Variants in TTC7B observed in about 807,000 individuals in gnomAD.
The protein encoded by TTC7B is tetratricopeptide repeat domain 7B.
A neutral mutation model predicts 106.8 loss-of-function variants in TTC7B; 28 were observed. That is an observed-to-expected ratio of 0.26 (90% CI 0.19 to 0.36). The LOEUF (loss-of-function observed/expected upper bound fraction) is 0.36. TTC7B is among the 10% of genes least tolerant of loss of function. TTC7B has a pLI of 1.00. For synonymous variants in TTC7B, 405 were observed against 430.6 expected, an observed-to-expected ratio of 0.94 and a Z score of 0.74; for missense variants, 862 against 1,076.4, an observed-to-expected ratio of 0.80 and a Z score of 2.79.
chr14:90,702,582 G>T (rs1222231391), intron 5 of TTC7B, among the ~76,000 whole-genome samples: 6 of 151,840 alleles, frequency 4.0e-5, no homozygotes, highest in Admixed American at 1.3e-4. Context: ...TCAATTTATA[G>T]CATATGAAAA....
chr14:90,549,091 G>A (rs1454045538), intron 19 of TTC7B, among the ~76,000 whole-genome samples: 1 of 148,114 alleles, frequency 6.8e-6, no homozygotes, highest in East Asian at 2.0e-4. Flanking sequence ...TCACACCACC[G>A]CACTACAGCC....
chr14:90,755,687 A>AC (rs1292556882), intron 3 of TTC7B, among the ~76,000 whole-genome samples: 35 of 150,844 alleles, frequency 2.3e-4, no homozygotes, highest in Admixed American at 1.1e-3. Flanking sequence ...AAACAAACAA[A>AC]AAAAAAAAAC....
At chr14:90,804,492 AGG>A (rs2030485715) in intron 1 of TTC7B, among the ~76,000 whole-genome samples, 1 of 152,188 alleles carries the variant, frequency 6.6e-6, no homozygotes, top group African/African-American at 2.4e-5. Context: ...GCCGGGCCTG[AGG>A]GACTTCTCCA....
At chr14:90,599,658 G>C (rs1892351004) in intron 17 of TTC7B, among the ~76,000 whole-genome samples, 1 of 152,204 alleles carries the variant, frequency 6.6e-6, no homozygotes, top group Non-Finnish European at 1.5e-5. Flanking sequence ...TAATGCTGCA[G>C]CGGCAGACAC....
At chr14:90,713,773 G>T (rs1039374837) in intron 5 of TTC7B, among the ~76,000 whole-genome samples, 7 of 152,148 alleles carry the variant, frequency 4.6e-5, no homozygotes, top group Non-Finnish European at 1.0e-4. Flanking sequence ...TAGTCAAAAA[G>T]CAAGAACAAT....
chr14:90,701,272 T>C (rs1475764417), intron 5 of TTC7B, among the ~76,000 whole-genome samples: 1 of 152,140 alleles, frequency 6.6e-6, no homozygotes, highest in East Asian at 1.9e-4. Flanking sequence ...ACCTCAGCAA[T>C]TGAGGCTTCC....
intron 19 of TTC7B, among the ~76,000 whole-genome samples, chr14:90,571,811 A>G (rs36084817): frequency 0.017 from 2,619 of 152,350 alleles, 94 homozygotes; most frequent in African/African-American, 0.06. Context: ...ACGTTTCTCC[A>G]AGGGAAAACT....
intron 19 of TTC7B, among the ~76,000 whole-genome samples, chr14:90,573,065 C>T (rs1244701046): frequency 6.6e-6 from 1 of 152,198 alleles, no homozygotes; most frequent in Non-Finnish European, 1.5e-5. Context: ...GCGTGAAACA[C>T]AGCCCCTCTG....
At chr14:90,793,547 T>C (rs1891660277) in intron 1 of TTC7B, among the ~76,000 whole-genome samples, 1 of 151,134 alleles carries the variant, frequency 6.6e-6, no homozygotes, top group Non-Finnish European at 1.5e-5. Context: ...AAAGAATCTC[T>C]TTCCTTTATA....
At position 90,776,717 on chromosome 14, in the gene TTC7B, G is replaced by A. The variant is rs1374244499; in HGVS notation, c.445+4021C>T. On this transcript the variant is annotated intron_variant, in intron 3 of 19. Transcript: ENST00000328459. ...AGCCCAAGTGAGTTCCAGTCCATGT[G>A]CCAGTAGAAGAGAGCAATTAGGAAC... 5.9e-5 allele frequency among the ~76,000 whole-genome samples: 9 copies of A among 152,136 alleles called. No individual in the cohort carries two copies. In the East Asian group the frequency reaches 1.7e-3, roughly 29 times the overall value.
At chr14:90,548,331 A>C (rs1465544172) in intron 19 of TTC7B, among the ~76,000 whole-genome samples, 1 of 152,198 alleles carries the variant, frequency 6.6e-6, no homozygotes, top group Non-Finnish European at 1.5e-5. Flanking sequence ...CTGGGTCAGA[A>C]ACTCCACCAT....
intron 11 of TTC7B, among the ~76,000 whole-genome samples, chr14:90,656,741 T>C (rs943378565): frequency 2.6e-5 from 4 of 152,128 alleles, no homozygotes; most frequent in Non-Finnish European, 4.4e-5. Context: ...TGCAGTGAGC[T>C]CTGATCGTGC....
At chr14:90,758,348 CGGCGGGGCGAGAGCGCAAGGAGG>C (rs1890379881) in intron 3 of TTC7B, among the ~76,000 whole-genome samples, 1 of 108,296 alleles carries the variant, frequency 9.2e-6, no homozygotes, top group Non-Finnish European at 1.9e-5. Flanking sequence ...GGGCGGGGCG[CGGCGGGGCGAGAGCGCAAGGAGG>C]GGCGGGGCGA....
chr14:90,637,289 A>G (rs990545668), intron 15 of TTC7B, among the ~76,000 whole-genome samples: 1 of 152,146 alleles, frequency 6.6e-6, no homozygotes, highest in Non-Finnish European at 1.5e-5. Flanking sequence ...ATCCTTACAT[A>G]TAATATAATT....
At chr14:90,799,283 G>C (rs747219033) in intron 1 of TTC7B, among the ~76,000 whole-genome samples, 1 of 152,128 alleles carries the variant, frequency 6.6e-6, no homozygotes, top group African/African-American at 2.4e-5. Context: ...TTGCTCCCTC[G>C]GCCTGGGCCA....
rs1410866266 is a variant in TTC7B, at chr14:90,780,766, C to T, written c.417G>A (p.Arg139=). 6.2e-7 allele frequency: 1 copy of T among 1,614,116 alleles called. No individual in the cohort carries two copies. Among genetic ancestry groups the T allele is most frequent in the Non-Finnish European group, 8.5e-7 (1 of 1,180,052 alleles). The change falls in exon 3 of 20, where the codon CGG becomes CGA. Residue 139 remains arginine, a synonymous_variant. Transcript: ENST00000328459. ...TGGTAGCGTAGGCTTCTGCGATCACCCGCAGCCTGTAGGGCGGGACAGCTG... is the reference window on the plus strand; with the variant it reads ...TGGTAGCGTAGGCTTCTGCGATCACTCGCAGCCTGTAGGGCGGGACAGCTG... ...PLTAVPPYRL[R]VIAEAYATKG...
chr14:90,617,938 G>A lies in TTC7B; in HGVS notation c.1859C>T (p.Thr620Ile). 6.2e-7 allele frequency: 1 copy of A among 1,613,328 alleles called. No individual in the cohort carries two copies. The highest frequency in any genetic ancestry group is 8.5e-7 in the Non-Finnish European group (1 of 1,179,354). ...LQIWKSCYNL[T>I]NPSDSGRGSS... Reference sequence around the variant, plus strand: ...CCTGCTGGCCTCTTACCTGGGGTTGGTGAGGTTGTAGCAGGATTTCCATAT... The same window carrying A: ...CCTGCTGGCCTCTTACCTGGGGTTGATGAGGTTGTAGCAGGATTTCCATAT... The change falls in exon 16 of 20, where the codon ACC becomes ATC. Residue 620 changes from threonine (T) to isoleucine (I), a missense_variant. Transcript: ENST00000328459.
At chr14:90,753,615 G>C (rs1339505540) in intron 3 of TTC7B, among the ~76,000 whole-genome samples, 3 of 152,232 alleles carry the variant, frequency 2.0e-5, no homozygotes, top group Non-Finnish European at 2.9e-5. Context: ...GTGCTGGGGG[G>C]AAGCAGAGGG....
chr14:90,764,462 G>C (rs1890608055), intron 3 of TTC7B, among the ~76,000 whole-genome samples: 1 of 151,672 alleles, frequency 6.6e-6, no homozygotes, highest in Non-Finnish European at 1.5e-5. Flanking sequence ...AAAATGAACT[G>C]GACTTAATCA....
Sources: gnomAD v4.1 joint callset for allele counts (sites outside exome capture counted in the v4.1 genomes callset) on GRCh38, gnomAD v4.1.1 for gene constraint, MANE v1.5 for transcripts, NCBI Gene and HGNC (gene_info 2026-07-23, HGNC 2026-07-21) for gene names.